Variants in ESR1 observed in about 807,000 individuals in gnomAD.
The protein encoded by ESR1 is estrogen receptor 1.
A neutral mutation model predicts 52.7 loss-of-function variants in ESR1; 12 were observed. The observed-to-expected ratio is 0.23, with a 90% CI of 0.15 to 0.37. The LOEUF (loss-of-function observed/expected upper bound fraction) is 0.37, where lower values mean the gene tolerates loss of function less well. ESR1 is among the 10% of genes least tolerant of loss of function. The pLI, the probability that ESR1 is intolerant of heterozygous loss-of-function variation, is 1.00. For missense variants in ESR1, 584 were observed against 779.7 expected (o/e 0.75, Z 2.99); for synonymous variants, 305 against 316.8 (o/e 0.96, Z 0.39).
At chr6:151,857,443 A>G (rs888293795) in intron 2 of ESR1, among the ~76,000 whole-genome samples, 1 of 151,684 alleles carries the variant, frequency 6.6e-6, no homozygotes, top group Non-Finnish European at 1.5e-5. Flanking sequence ...GGGCCACTGT[A>G]TATATATATC....
At chr6:151,816,382 T>G (rs1009372793) in intron 1 of ESR1, among the ~76,000 whole-genome samples, 75 of 152,236 alleles carry the variant, frequency 4.9e-4, no homozygotes, top group African/African-American at 1.6e-3. Flanking sequence ...GGCAAATTGC[T>G]TAACTGTGTG....
At chr6:151,976,667 A>C (rs899360884) in intron 4 of ESR1, among the ~76,000 whole-genome samples, 1 of 152,138 alleles carries the variant, frequency 6.6e-6, no homozygotes, top group African/African-American at 2.4e-5. Flanking sequence ...GACAAACAGA[A>C]CATAGAATTA....
chr6:152,099,198 T>C lies in ESR1; in HGVS notation c.*232T>C. On this transcript the variant is annotated 3_prime_UTR_variant, in exon 8 of 8. Transcript: ENST00000206249. The stretch of plus-strand genomic sequence containing the variant: ...AGGCTAAATCTTTGTAACAGCTCTC[T>C]TTCCCCCTTGCTATGTTACTAAGCG... 1 of 576,794 alleles carries C rather than the reference T, an allele frequency of 1.7e-6. No homozygotes were observed. Among genetic ancestry groups the C allele is most frequent in the Non-Finnish European group, 3.1e-6 (1 of 318,376 alleles). The allele number at this position is 576,794 out of a possible 1,614,324, so 35.7% of individuals were successfully genotyped here.
intron 5 of ESR1, among the ~76,000 whole-genome samples, chr6:152,059,425 T>C (rs1191889198): frequency 2.0e-5 from 3 of 151,650 alleles, no homozygotes; most frequent in Admixed American, 6.6e-5. Flanking sequence ...CAGAAGAAAA[T>C]ACCAGGAACA....
At chr6:151,833,123 T>C (rs1008858179) in intron 1 of ESR1, among the ~76,000 whole-genome samples, 17 of 151,754 alleles carry the variant, frequency 1.1e-4, no homozygotes, top group African/African-American at 3.9e-4. Flanking sequence ...TAGAAAGGAG[T>C]GTGAGTGAAG....
upstream of ESR1, among the ~76,000 whole-genome samples, chr6:151,688,762 C>A (rs1328565778): frequency 1.3e-5 from 2 of 151,992 alleles, no homozygotes; most frequent in Non-Finnish European, 2.9e-5. Flanking sequence ...TATAAGTAAT[C>A]TATGGATTAT....
At chr6:151,960,456 G>A (rs1194693354) in intron 4 of ESR1, among the ~76,000 whole-genome samples, 1 of 152,154 alleles carries the variant, frequency 6.6e-6, no homozygotes, top group Non-Finnish European at 1.5e-5. Flanking sequence ...AGGAGGAGGT[G>A]AGAAAGTTAG....
intron 2 of ESR1, among the ~76,000 whole-genome samples, chr6:151,703,361 C>T (rs1000491550): frequency 6.6e-6 from 1 of 152,252 alleles, no homozygotes; most frequent in South Asian, 2.1e-4. Context: ...GCATGTGGAA[C>T]CCCCAGAGCC....
intron 6 of ESR1, among the ~76,000 whole-genome samples, chr6:152,111,802 C>G (rs748339827): frequency 6.6e-6 from 1 of 152,116 alleles, no homozygotes; most frequent in Admixed American, 6.5e-5. Context: ...CAGGCGCAGA[C>G]CAGTTTTGGG....
At chr6:151,704,050 A>T (rs1779993384) in intron 2 of ESR1, among the ~76,000 whole-genome samples, 2 of 152,220 alleles carry the variant, frequency 1.3e-5, no homozygotes, top group South Asian at 4.1e-4. Flanking sequence ...CCCATAATCA[A>T]ATATATTTGG....
intron 1 of ESR1, among the ~76,000 whole-genome samples, chr6:151,823,358 T>C (rs1191827989): frequency 2.0e-5 from 3 of 151,298 alleles, no homozygotes; most frequent in African/African-American, 4.8e-5. Context: ...TAGGTTTAGA[T>C]TAAACCTACA....
chr6:151,734,749 AG>A (rs1782516134), intron 2 of ESR1, among the ~76,000 whole-genome samples: 1 of 151,802 alleles, frequency 6.6e-6, no homozygotes, highest in Admixed American at 6.6e-5. Context: ...CAGCCTCCCG[AG>A]TAGCTGGGAT....
At chr6:151,900,180 A>C (rs992506789) in intron 3 of ESR1, among the ~76,000 whole-genome samples, 1 of 152,150 alleles carries the variant, frequency 6.6e-6, no homozygotes, top group African/African-American at 2.4e-5. Flanking sequence ...GTTAATTTGA[A>C]AACCTTGTCT....
In ESR1 at chr6:152,102,683, T is replaced by G. The variant is rs992892316; in HGVS notation, c.*3717T>G. On this transcript the variant is annotated 3_prime_UTR_variant, in exon 8 of 8. Coordinates refer to ENST00000206249, the MANE Select transcript of ESR1 (RefSeq NM_000125.4). ...AAAGTGTGGCCTCGTTTTTAGTCAT[T>G]TAAAATTGTTTTCTAAGTAATTGCT... is the stretch of plus-strand genomic sequence containing the variant. 2 of 219,934 alleles carry G rather than the reference T, an allele frequency of 9.1e-6. No individual in the cohort carries two copies. Among genetic ancestry groups the G allele is most frequent in the African/African-American group, 4.5e-5 (2 of 44,638 alleles). 13.6% of individuals were successfully genotyped at this position (219,934 alleles called of 1,614,324 possible).
chr6:152,043,117 C>T (rs1026011323), intron 5 of ESR1, among the ~76,000 whole-genome samples: 15 of 152,108 alleles, frequency 9.9e-5, no homozygotes, highest in African/African-American at 2.4e-4. Context: ...ACTAAAGTGA[C>T]GAATTCACTC....
chr6:152,067,647 G>A (rs2048066381), intron 6 of ESR1, among the ~76,000 whole-genome samples: 1 of 152,134 alleles, frequency 6.6e-6, no homozygotes, highest in African/African-American at 2.4e-5. Context: ...CCAACACAGT[G>A]AAACCCCATC....
At chr6:152,023,497 A>G (rs530411012) in intron 5 of ESR1, among the ~76,000 whole-genome samples, 4 of 152,326 alleles carry the variant, frequency 2.6e-5, no homozygotes, top group South Asian at 2.1e-4. Flanking sequence ...ATCATACATC[A>G]GTAGGCATTT....
intron 1 of ESR1, among the ~76,000 whole-genome samples, chr6:151,823,776 C>T (rs1236633207): frequency 6.6e-6 from 1 of 152,182 alleles, no homozygotes; most frequent in East Asian, 1.9e-4. Context: ...CCAGCTTCAT[C>T]CATGTCCCTA....
chr6:151,931,455 C>CTT (rs143439589), intron 3 of ESR1, among the ~76,000 whole-genome samples: 1 of 151,132 alleles, frequency 6.6e-6, no homozygotes, highest in African/African-American at 2.4e-5. Flanking sequence ...CCCTCAAACT[C>CTT]TTTTTTTTTA....
Sources: gnomAD v4.1 joint callset for allele counts (sites outside exome capture counted in the v4.1 genomes callset) on GRCh38, gnomAD v4.1.1 for gene constraint, MANE v1.5 for transcripts, NCBI Gene and HGNC (gene_info 2026-07-23, HGNC 2026-07-21) for gene names.